GALNT10: variants seen among roughly 807,000 people sequenced by gnomAD.
GALNT10 encodes the protein GalNAc transferase 10.
A neutral mutation model predicts 75.0 loss-of-function variants in GALNT10; 41 were observed. The ratio of observed to expected loss-of-function variants is 0.55; its 90% CI spans 0.43 to 0.71. GALNT10 has a LOEUF of 0.71. Ranked by LOEUF, GALNT10 falls within the 30% of genes least tolerant of loss-of-function variation. The pLI is 0.00. For missense variants in GALNT10, 727 were observed against 818.5 expected (o/e 0.89, Z 1.36); for synonymous variants, 302 against 313.0 (o/e 0.96, Z 0.37).
At chr5:154,362,874 C>T (rs935915024) in intron 4 of GALNT10, among the ~76,000 whole-genome samples, 2 of 152,150 alleles carry the variant, frequency 1.3e-5, no homozygotes, top group Non-Finnish European at 2.9e-5. Context: ...AGTATATCTT[C>T]TGGTTCTAGT....
chr5:154,330,908 G>GGGGTGTGTGTGTGT (rs769311099), intron 4 of GALNT10, among the ~76,000 whole-genome samples: 246 of 126,028 alleles, frequency 2.0e-3, no homozygotes, highest in South Asian at 4.9e-3. Context: ...AGACAGAGAG[G>GGGGTGTGTGTGTGT]GTGTGTGTGT....
At chr5:154,285,314 G>C (rs763820016) in intron 1 of GALNT10, among the ~76,000 whole-genome samples, 1 of 152,124 alleles carries the variant, frequency 6.6e-6, no homozygotes, top group Non-Finnish European at 1.5e-5. Flanking sequence ...TCTTGACTAT[G>C]TGTCACTGAA....
intron 7 of GALNT10, among the ~76,000 whole-genome samples, chr5:154,399,187 C>CTGGGTCTTGGATGGTCAG (rs1756108068): frequency 6.6e-6 from 1 of 152,146 alleles, no homozygotes; most frequent in South Asian, 2.1e-4. Flanking sequence ...CAGTGTCTGT[C>CTGGGTCTTGGATGGTCAG]TGGGTCTTGG....
At chr5:154,216,453 G>A (rs1752873172) in intron 1 of GALNT10, among the ~76,000 whole-genome samples, 1 of 152,034 alleles carries the variant, frequency 6.6e-6, no homozygotes. Context: ...TTAGCATTGG[G>A]CAACTAAAAC....
intron 1 of GALNT10, among the ~76,000 whole-genome samples, chr5:154,231,068 C>T (rs1753143964): frequency 6.6e-6 from 1 of 152,148 alleles, no homozygotes; most frequent in Non-Finnish European, 1.5e-5. Context: ...GCCTCCTTGT[C>T]CTTATATATA....
At chr5:154,393,011 A>ATATC (rs1755934107) in intron 7 of GALNT10, 1 of 150,772 alleles carries the variant, frequency 6.6e-6, no homozygotes, top group Non-Finnish European at 1.5e-5. Flanking sequence ...AAGTTAGAGC[A>ATATC]TATCTAAACA....
At chr5:154,328,361 A>C (rs916607884) in intron 3 of GALNT10, among the ~76,000 whole-genome samples, 1 of 152,132 alleles carries the variant, frequency 6.6e-6, no homozygotes, top group Non-Finnish European at 1.5e-5. Context: ...GCCCAGGGAG[A>C]GAGAGGAGGG....
intron 1 of GALNT10, among the ~76,000 whole-genome samples, chr5:154,243,919 G>C (rs536020224): frequency 6.6e-6 from 1 of 152,324 alleles, no homozygotes; most frequent in East Asian, 1.9e-4. Context: ...TGAGATGTTA[G>C]TGCTTTAAAG....
chr5:154,275,456 A>C (rs1202707374), intron 1 of GALNT10, among the ~76,000 whole-genome samples: 1 of 152,252 alleles, frequency 6.6e-6, no homozygotes, highest in African/African-American at 2.4e-5. Flanking sequence ...GGTGAATTGC[A>C]TGTGACACAA....
chr5:154,286,387 T>TG (rs753998714), intron 1 of GALNT10, among the ~76,000 whole-genome samples: 1,133 of 79,250 alleles, frequency 0.014, 6 homozygotes, highest in African/African-American at 0.037. Context: ...GTCGATTTGT[T>TG]TTTTTTTTTT....
At chr5:154,218,403 C>T (rs1752917204) in intron 1 of GALNT10, among the ~76,000 whole-genome samples, 1 of 152,136 alleles carries the variant, frequency 6.6e-6, no homozygotes, top group South Asian at 2.1e-4. Flanking sequence ...GTGCTGTTTC[C>T]AGCTCTCCCT....
chr5:154,306,979 A>G (rs755854029), intron 3 of GALNT10, among the ~76,000 whole-genome samples: 1 of 152,220 alleles, frequency 6.6e-6, no homozygotes, highest in South Asian at 2.1e-4. Context: ...GAAATGGTCA[A>G]TTAAATTGAT....
intron 1 of GALNT10, among the ~76,000 whole-genome samples, chr5:154,197,206 A>G (rs923057077): frequency 2.0e-5 from 3 of 152,118 alleles, no homozygotes; most frequent in African/African-American, 4.8e-5. Flanking sequence ...TCTTTATTGA[A>G]TCTTACTTAC....
At chr5:154,411,337 A>T (rs1300081969) in intron 9 of GALNT10, among the ~76,000 whole-genome samples, 2 of 151,678 alleles carry the variant, frequency 1.3e-5, no homozygotes, top group East Asian at 3.9e-4. Flanking sequence ...AGGCTGACCA[A>T]CCCCTACTGC....
intron 1 of GALNT10, among the ~76,000 whole-genome samples, chr5:154,293,248 A>G (rs539568736): frequency 1.3e-5 from 2 of 152,324 alleles, no homozygotes; most frequent in East Asian, 1.9e-4. Context: ...AGTTAATTAT[A>G]TAGGAAATAG....
intron 1 of GALNT10, among the ~76,000 whole-genome samples, chr5:154,281,667 T>A (rs190891641): frequency 4.7e-4 from 72 of 152,338 alleles, no homozygotes; most frequent in Admixed American, 9.1e-4. Flanking sequence ...CCTCAGTCTT[T>A]CAAGCCTGAA....
intron 5 of GALNT10, among the ~76,000 whole-genome samples, chr5:154,380,039 C>T (rs958643716): frequency 3.3e-5 from 5 of 152,136 alleles, no homozygotes; most frequent in African/African-American, 4.8e-5. Context: ...TGAGGAGCCT[C>T]GCAGGACTAG....
chr5:154,318,680 T>C (rs1415240978), intron 3 of GALNT10, among the ~76,000 whole-genome samples: 3 of 152,270 alleles, frequency 2.0e-5, no homozygotes, highest in Non-Finnish European at 2.9e-5. Context: ...ATTATTGTCA[T>C]TGTCACTTTC....
At chr5:154,354,986 C>G (rs775410827) in intron 4 of GALNT10, among the ~76,000 whole-genome samples, 4 of 152,220 alleles carry the variant, frequency 2.6e-5, no homozygotes, top group Non-Finnish European at 5.9e-5. Flanking sequence ...ATTGCCCCAG[C>G]CAGACTGTCA....
Sources: gnomAD v4.1 joint callset for allele counts (sites outside exome capture counted in the v4.1 genomes callset) on GRCh38, gnomAD v4.1.1 for gene constraint, MANE v1.5 for transcripts, NCBI Gene and HGNC (gene_info 2026-07-23, HGNC 2026-07-21) for gene names.